DSCAM: variants seen among roughly 807,000 people sequenced by gnomAD.
DSCAM encodes the protein DS cell adhesion molecule, also known as cell adhesion molecule DSCAM.
A neutral mutation model predicts 217.7 loss-of-function variants in DSCAM; 47 were observed. The observed-to-expected ratio is 0.22, with a 90% CI of 0.17 to 0.28. The LOEUF is 0.28. Ranked by LOEUF, DSCAM falls within the 10% of genes least tolerant of loss-of-function variation. The probability of loss-of-function intolerance (pLI) is 1.00; values close to 1 mark genes in which losing one functional copy is unlikely to be tolerated. For missense variants in DSCAM, 2,080 were observed against 2,618.3 expected, an observed-to-expected ratio of 0.79 and a Z score of 4.49; for synonymous variants, 1,056 against 1,015.3, an observed-to-expected ratio of 1.04 and a Z score of -0.76.
chr21:40,085,461 C>T lies in DSCAM; in HGVS notation c.4132+141G>A, dbSNP rs1027670175. Reference sequence around the variant, plus strand: ...GTTTAATTATATTTTGCAAAATGAACATGTGTTTTCTTTTTCTGTAATATG... The same window carrying T: ...GTTTAATTATATTTTGCAAAATGAATATGTGTTTTCTTTTTCTGTAATATG... On this transcript the variant is annotated intron_variant, in intron 23 of 32. Coordinates refer to ENST00000400454, the MANE Select transcript of DSCAM (RefSeq NM_001389.5). 3 of 703,786 alleles carry T rather than the reference C, an allele frequency of 4.3e-6. No homozygotes were observed. In the Admixed American group the frequency reaches 1.2e-4, roughly 28 times the overall value. 43.6% of individuals were successfully genotyped at this position (703,786 alleles called of 1,614,324 possible).
At chr21:40,824,650 A>C (rs1342898210) in intron 1 of DSCAM, among the ~76,000 whole-genome samples, 1 of 152,006 alleles carries the variant, frequency 6.6e-6, no homozygotes. Flanking sequence ...CCTGGGCTCA[A>C]GCAATCTTCC....
intron 3 of DSCAM, among the ~76,000 whole-genome samples, chr21:40,688,611 T>C (rs1181124730): frequency 6.6e-6 from 1 of 152,152 alleles, no homozygotes; most frequent in Non-Finnish European, 1.5e-5. Context: ...AAGAACACAA[T>C]AGGTCAGGAT....
chr21:40,792,969 C>A (rs1032508770), intron 1 of DSCAM, among the ~76,000 whole-genome samples: 1 of 152,094 alleles, frequency 6.6e-6, no homozygotes, highest in South Asian at 2.1e-4. Flanking sequence ...GGAGCTGATT[C>A]TCAGGCCATA....
At chr21:40,793,901 G>A (rs982516070) in intron 1 of DSCAM, among the ~76,000 whole-genome samples, 9 of 152,196 alleles carry the variant, frequency 5.9e-5, no homozygotes, top group African/African-American at 1.7e-4. Flanking sequence ...CCTACTCTAC[G>A]GTTTTAATAT....
intron 3 of DSCAM, among the ~76,000 whole-genome samples, chr21:40,683,950 C>T (rs541057887): frequency 7.2e-5 from 11 of 152,010 alleles, no homozygotes; most frequent in South Asian, 4.2e-4. Context: ...GACCGGGCCA[C>T]GCACGGTGGC....
intron 3 of DSCAM, among the ~76,000 whole-genome samples, chr21:40,569,760 T>C (rs1275203885): frequency 6.6e-6 from 1 of 152,220 alleles, no homozygotes; most frequent in Admixed American, 6.5e-5. Flanking sequence ...ATGAATAAAT[T>C]AGAAATGACT....
chr21:40,666,402 G>A (rs8127260), intron 3 of DSCAM, among the ~76,000 whole-genome samples: 121,454 of 152,068 alleles, frequency 0.8, 50,248 homozygotes, highest in East Asian at 0.98. Context: ...AACTTACCCA[G>A]GATCACATAG....
At chr21:40,110,597 T>C (rs1047017839) in intron 20 of DSCAM, among the ~76,000 whole-genome samples, 38 of 152,290 alleles carry the variant, frequency 2.5e-4, no homozygotes, top group Non-Finnish European at 3.7e-4. Flanking sequence ...AGAAGAAGGC[T>C]TCAGATGATC....
chr21:40,703,249 C>T (rs2090676467), intron 2 of DSCAM, among the ~76,000 whole-genome samples: 1 of 152,164 alleles, frequency 6.6e-6, no homozygotes, highest in Non-Finnish European at 1.5e-5. Flanking sequence ...TTTACTTCCA[C>T]TCTTGCCTGT....
chr21:40,035,905 C>A (rs963921745), intron 32 of DSCAM, among the ~76,000 whole-genome samples: 3 of 148,564 alleles, frequency 2.0e-5, no homozygotes, highest in Non-Finnish European at 2.9e-5. Context: ...CAACCTGCTC[C>A]TGAATGACTA....
chr21:40,202,838 C>T (rs551887458), intron 11 of DSCAM, among the ~76,000 whole-genome samples: 95 of 152,258 alleles, frequency 6.2e-4, no homozygotes, highest in African/African-American at 1.8e-3. Context: ...GCATGTGATG[C>T]CCATATGGTT....
chr21:40,818,887 A>G (rs925328602), intron 1 of DSCAM, among the ~76,000 whole-genome samples: 2 of 152,240 alleles, frequency 1.3e-5, no homozygotes, highest in Non-Finnish European at 2.9e-5. Context: ...AAATAACCAC[A>G]TAATTATTTT....
In DSCAM at chr21:40,637,440, T is replaced by TATATATAAATATAA. The variant is rs1568954622; in HGVS notation, c.508+55369_508+55370insTTATATTTATATAT. Among the ~76,000 whole-genome samples, 51 of 34,948 alleles carry TATATATAAATATAA rather than the reference T, an allele frequency of 1.5e-3. 11 individuals carry two copies. Among genetic ancestry groups the TATATATAAATATAA allele is most frequent in the South Asian group, 2.3e-3 (2 of 860 alleles). The allele number at this position is 34,948 out of a possible 152,430, so 22.9% of individuals were successfully genotyped here. ...ATATATATAAATATATAAATATAAATATATATATAAATATATACAAATATA... is the reference window on the plus strand; with the variant it reads ...ATATATATAAATATATAAATATAAATATATATAAATATAAATATATATAAATATATACAAATATA... On this transcript the variant is annotated intron_variant, in intron 3 of 32. Transcript: ENST00000400454.
At chr21:40,721,243 A>C (rs912212324) in intron 1 of DSCAM, among the ~76,000 whole-genome samples, 6 of 152,214 alleles carry the variant, frequency 3.9e-5, no homozygotes, top group Non-Finnish European at 1.5e-5. Context: ...ATCAATCAAT[A>C]ATATAAAATT....
At chr21:40,593,577 C>G (rs766026417) in intron 3 of DSCAM, among the ~76,000 whole-genome samples, 1 of 152,162 alleles carries the variant, frequency 6.6e-6, no homozygotes. Context: ...AGCTCCTGAC[C>G]TCAAGTGATC....
intron 20 of DSCAM, among the ~76,000 whole-genome samples, chr21:40,110,231 G>C (rs1366113849): frequency 1.3e-5 from 2 of 152,148 alleles, no homozygotes; most frequent in African/African-American, 4.8e-5. Context: ...CCACAGGAAA[G>C]ATCAGGCAGC....
chr21:40,555,660 T>G (rs1175017402), intron 3 of DSCAM, among the ~76,000 whole-genome samples: 3 of 152,222 alleles, frequency 2.0e-5, no homozygotes, highest in Non-Finnish European at 4.4e-5. Flanking sequence ...AGACACAGCA[T>G]CTGATTCTGT....
intron 8 of DSCAM, among the ~76,000 whole-genome samples, chr21:40,335,174 C>T (rs953027421): frequency 3.9e-5 from 6 of 152,092 alleles, no homozygotes; most frequent in East Asian, 3.9e-4. Flanking sequence ...CAGCTTTTCC[C>T]GACTATTCTG....
rs558022202 is a variant in DSCAM, at chr21:40,083,540, T to C, written c.4231+368A>G. Among the ~76,000 whole-genome samples, 45 of 152,380 alleles carry C rather than the reference T, an allele frequency of 3.0e-4. 2 individuals carry two copies. In the South Asian group the frequency reaches 9.1e-3, roughly 31 times the overall value. On this transcript the variant is annotated intron_variant, in intron 24 of 32. Transcript: ENST00000400454. ...TCTACACTTTAGGTCCTCTGTCTTT[T>C]ATTACTTTCTAAGTCAGGACAGTAC... is the stretch of plus-strand genomic sequence containing the variant.
Sources: gnomAD v4.1 joint callset for allele counts (sites outside exome capture counted in the v4.1 genomes callset) on GRCh38, gnomAD v4.1.1 for gene constraint, MANE v1.5 for transcripts, NCBI Gene and HGNC (gene_info 2026-07-23, HGNC 2026-07-21) for gene names.